Variants in KCNIP2 observed in about 807,000 individuals in gnomAD.
The protein encoded by KCNIP2 is potassium voltage-gated channel interacting protein 2.
In KCNIP2, 19 loss-of-function variants were observed where a neutral mutation model predicts 39.0. That is an observed-to-expected ratio of 0.49 (90% CI 0.34 to 0.71). The LOEUF (loss-of-function observed/expected upper bound fraction) is 0.71, where lower values mean the gene tolerates loss of function less well. Ranked by LOEUF, KCNIP2 falls within the 30% of genes least tolerant of loss-of-function variation. The probability of loss-of-function intolerance (pLI) is 0.01; values close to 1 mark genes in which losing one functional copy is unlikely to be tolerated. For missense variants in KCNIP2, 261 were observed against 346.0 expected (o/e 0.75, Z 1.95); for synonymous variants, 111 against 131.2 (o/e 0.85, Z 1.05).
At position 101,843,589 on chromosome 10, in the gene KCNIP2, C is replaced by G; in HGVS notation, c.-21G>C. On this transcript the variant is annotated 5_prime_UTR_variant, in exon 1 of 10. Coordinates refer to ENST00000356640, the MANE Select transcript of KCNIP2 (RefSeq NM_173191.3). This position sits in a 1 kb window ranked among gnomAD's most constrained non-coding sequence, Gnocchi z 6.7. ...CGCATGGCCCCCGGCGCCCCGCTCC[C>G]GCCCGGGCCGTGGGAGGGGGCGCCG... 1 of 1,445,046 alleles carries G rather than the reference C, an allele frequency of 6.9e-7. No individual in the cohort carries two copies. The highest frequency in any genetic ancestry group is 9.1e-7 in the Non-Finnish European group (1 of 1,096,796). 89.5% of individuals were successfully genotyped at this position (1,445,046 alleles called of 1,614,324 possible).
chr10:101,842,717 A>G (rs2066368540), intron 1 of KCNIP2, among the ~76,000 whole-genome samples: 1 of 152,120 alleles, frequency 6.6e-6, no homozygotes, highest in Admixed American at 6.5e-5. Context: ...TTGGTGAAGG[A>G]GTGGGGTGTA....
At position 101,828,518 on chromosome 10, in the gene KCNIP2, G is replaced by C; in HGVS notation, c.419-59C>G. 3.1e-6 allele frequency: 5 copies of C among 1,603,580 alleles called. No individual in the cohort carries two copies. The highest frequency in any genetic ancestry group is 4.3e-6 in the Non-Finnish European group (5 of 1,171,776). On this transcript the variant is annotated intron_variant, in intron 5 of 9. Coordinates refer to ENST00000356640, the MANE Select transcript of KCNIP2 (RefSeq NM_173191.3). This position sits in a 1 kb window ranked among gnomAD's most constrained non-coding sequence, Gnocchi z 6.6. Reference sequence around the variant, plus strand: ...ACAGGAGAGGACTTCCTCCCTCTAAGGAGCTCCCCATACCCCCCATCACCT... The same window carrying C: ...ACAGGAGAGGACTTCCTCCCTCTAACGAGCTCCCCATACCCCCCATCACCT...
At position 101,826,907 on chromosome 10, in the gene KCNIP2, G is replaced by GGTCTGAGAAGTCCCC; in HGVS notation, c.*445_*446insGGGGACTTCTCAGAC. 1 of 157,928 alleles carries GGTCTGAGAAGTCCCC rather than the reference G, an allele frequency of 6.3e-6. No homozygotes were observed. Among genetic ancestry groups the GGTCTGAGAAGTCCCC allele is most frequent in the Non-Finnish European group, 1.4e-5 (1 of 71,612 alleles). The allele number at this position is 157,928 out of a possible 1,614,324, so 9.8% of individuals were successfully genotyped here. A position where few individuals can be genotyped will look rare whatever the true frequency, so the allele number is the denominator to read the frequency against. The stretch of plus-strand genomic sequence containing the variant: ...TACATTCTTGTCCCCCTCCCACAGG[G>GGTCTGAGAAGTCCCC]CTCTCAATGGCTGGTCTGAGAAGCC... On this transcript the variant is annotated 3_prime_UTR_variant, in exon 10 of 10. Transcript: ENST00000356640.
rs565453539 is a variant in KCNIP2 at position 101,829,996 on chromosome 10, C to T, written c.170-99G>A. ...TCAGAGCAAACCTCACAACCCAGCCCGTGCAAAGGCACACCCAACCAGCAC... is the reference window on the plus strand; with the variant it reads ...TCAGAGCAAACCTCACAACCCAGCCTGTGCAAAGGCACACCCAACCAGCAC... On this transcript the variant is annotated intron_variant, in intron 2 of 9. Transcript: ENST00000356640. 7.2e-6 allele frequency: 10 copies of T among 1,387,414 alleles called. No individual in the cohort carries two copies. The South Asian group carries it at 9.0e-5, about 13-fold the overall frequency. The allele number at this position is 1,387,414 out of a possible 1,614,324, so 85.9% of individuals were successfully genotyped here.
chr10:101,834,321 G>A, intron 1 of KCNIP2: 1 of 399,312 alleles, frequency 2.5e-6, no homozygotes, highest in Non-Finnish European at 4.4e-6. Flanking sequence ...TTGACAAACA[G>A]AGCGAGGACC....
intron 1 of KCNIP2, among the ~76,000 whole-genome samples, chr10:101,841,355 A>G (rs953167481): frequency 2.0e-5 from 3 of 152,212 alleles, no homozygotes; most frequent in Non-Finnish European, 4.4e-5. Context: ...ACTCCCCTTC[A>G]TGCTTCAGCT....
At chr10:101,831,445 G>A (rs1489811118) in intron 1 of KCNIP2, among the ~76,000 whole-genome samples, 3 of 152,138 alleles carry the variant, frequency 2.0e-5, no homozygotes, top group Admixed American at 1.3e-4. Flanking sequence ...TGCTGACCTA[G>A]TACCCTTGGC....
intron 1 of KCNIP2, among the ~76,000 whole-genome samples, chr10:101,840,554 C>G (rs1303593074): frequency 7.0e-6 from 1 of 143,000 alleles, no homozygotes; most frequent in African/African-American, 2.6e-5. Flanking sequence ...CCCCGCACCC[C>G]CCCCCCACTT....
At chr10:101,835,587 C>T (rs2066128256) in intron 1 of KCNIP2, among the ~76,000 whole-genome samples, 1 of 151,968 alleles carries the variant, frequency 6.6e-6, no homozygotes, top group African/African-American at 2.4e-5. Flanking sequence ...GAAATCTGAA[C>T]CTTCTAAGGG....
chr10:101,831,245 C>T, intron 1 of KCNIP2, 78 bp from the exon 2 acceptor site: 1 of 1,100,868 alleles, frequency 9.1e-7, no homozygotes, highest in Non-Finnish European at 1.3e-6. Context: ...CCGCCAGTCA[C>T]AAATCAACCC....
At chr10:101,836,214 C>T (rs371779237) in intron 1 of KCNIP2, among the ~76,000 whole-genome samples, 3 of 152,090 alleles carry the variant, frequency 2.0e-5, no homozygotes, top group South Asian at 2.1e-4. Flanking sequence ...TCCTTCTCCC[C>T]GACCTGCCCC....
intron 1 of KCNIP2, among the ~76,000 whole-genome samples, chr10:101,832,296 C>CTGTGTGTGTGTGTGTGTG (rs57005983): frequency 5.0e-5 from 7 of 139,972 alleles, no homozygotes; most frequent in African/African-American, 1.6e-4. Flanking sequence ...CTCAGTGTTA[C>CTGTGTGTGTGTGTGTGTG]TGTGTGTGTG....
chr10:101,830,076 CT>C, intron 2 of KCNIP2, 179 bp from the exon 3 acceptor site: 1 of 733,172 alleles, frequency 1.4e-6, no homozygotes. Flanking sequence ...CACGCCTGTC[CT>C]TTTCCGAATC....
intron 1 of KCNIP2, among the ~76,000 whole-genome samples, chr10:101,840,151 T>C (rs2135207148): frequency 6.6e-6 from 1 of 150,898 alleles, no homozygotes; most frequent in East Asian, 1.9e-4. Context: ...CAGGCACATG[T>C]GGGTTTTGAG....
rs1292262339 is a variant in KCNIP2 at position 101,826,827 on chromosome 10, ACC to A, written c.*524_*525del. 1 of 152,970 alleles carries A rather than the reference ACC, an allele frequency of 6.5e-6. No homozygotes were observed. Among genetic ancestry groups the A allele is most frequent in the East Asian group, 1.9e-4 (1 of 5,182 alleles). 9.5% of individuals were successfully genotyped at this position (152,970 alleles called of 1,614,324 possible). On this transcript the variant is annotated 3_prime_UTR_variant, in exon 10 of 10. Coordinates refer to ENST00000356640, the MANE Select transcript of KCNIP2 (RefSeq NM_173191.3). ...ATCTGTCCAGGCCCTTCTATTCTCA[ACC>A]CCAGCCACCTCCTAGGACCTATCCA...
chr10:101,829,336 CGAGCCAAGGACACT>C, intron 3 of KCNIP2, 137 bp from the exon 4 acceptor site: 1 of 1,152,688 alleles, frequency 8.7e-7, no homozygotes, highest in South Asian at 1.6e-5. Flanking sequence ...CCCTGGGCCC[CGAGCCAAGGACACT>C]GAGGTAAGGA....
At position 101,838,653 on chromosome 10, in the gene KCNIP2, G is replaced by A. The variant is rs1007633020; in HGVS notation, c.73+4843C>T. On this transcript the variant is annotated intron_variant, in intron 1 of 9. Transcript: ENST00000356640. This position sits in a 1 kb window ranked among gnomAD's most constrained non-coding sequence, Gnocchi z 4.0. ...CATCTGTCACTGGAGACAGGCCCAA[G>A]CAGGGGGCTTGGAGGTTGTATGCTC... Among the ~76,000 whole-genome samples the A allele has an allele frequency of 3.3e-5, 5 of 152,218 alleles. No individual in the cohort carries two copies. The highest frequency in any genetic ancestry group is 1.2e-4 in the African/African-American group (5 of 41,460).
In KCNIP2 at chr10:101,843,435, G is replaced by T; in HGVS notation, c.73+61C>A. 2.6e-6 allele frequency: 3 copies of T among 1,157,314 alleles called. No individual in the cohort carries two copies. The highest frequency in any genetic ancestry group is 2.4e-6 in the Non-Finnish European group (2 of 846,790). The allele number at this position is 1,157,314 out of a possible 1,614,324, so 71.7% of individuals were successfully genotyped here. A position where few individuals can be genotyped will look rare whatever the true frequency, so the allele number is the denominator to read the frequency against. On this transcript the variant is annotated intron_variant, in intron 1 of 9. Transcript: ENST00000356640. The surrounding 1 kb of genome is among the most constrained non-coding windows in gnomAD (Gnocchi z 6.7). ...CGGGCCAGGCCGGGGTCGGAGAGGC[G>T]GAAGGGTCTGGAGGAATGGAATCCA... is the stretch of plus-strand genomic sequence containing the variant.
At position 101,827,064 on chromosome 10, in the gene KCNIP2, TG is replaced by T; in HGVS notation, c.*288del. On this transcript the variant is annotated 3_prime_UTR_variant, in exon 10 of 10. Transcript: ENST00000356640. ...GTGTTTCTAGAGTAGGGGTAGGAGG[TG>T]GGGAACCGCTCAATTCCTACAGGAG... The T allele has an allele frequency of 2.4e-6, 1 of 418,250 alleles. No homozygotes were observed. The highest frequency in any genetic ancestry group is 3.9e-6 in the Non-Finnish European group (1 of 258,380). The allele number at this position is 418,250 out of a possible 1,614,324, so 25.9% of individuals were successfully genotyped here.
Sources: allele counts gnomAD v4.1 joint callset (sites outside exome capture counted in the v4.1 genomes callset), GRCh38; gene constraint gnomAD v4.1.1; non-coding constraint Gnocchi (gnomAD v3.1); transcripts MANE v1.5; gene names NCBI Gene and HGNC (gene_info 2026-07-23, HGNC 2026-07-21).